Variants in BAZ2B observed in about 807,000 individuals in gnomAD.
The protein encoded by BAZ2B is bromodomain adjacent to zinc finger domain protein 2B.
Under a neutral mutation model 246.0 loss-of-function variants are expected in BAZ2B, and 91 were observed. The observed-to-expected ratio is 0.37, with a 90% CI of 0.31 to 0.44. BAZ2B has a LOEUF of 0.44. BAZ2B is among the 20% of genes least tolerant of loss of function. The pLI is 1.00. For missense variants in BAZ2B, 2,332 were observed against 2,533.7 expected, an observed-to-expected ratio of 0.92 and a Z score of 1.71; for synonymous variants, 855 against 860.0, an observed-to-expected ratio of 0.99 and a Z score of 0.10.
At chr2:159,682,277 G>A in the BAZ2B span, among the ~76,000 whole-genome samples, 2,971 of 150,778 alleles carry the variant, frequency 0.02, 200 homozygotes, top group East Asian at 0.23. Flanking sequence ...CATCTCTGGG[G>A]TCAAACAATC....
chr2:159,557,264 C>T (rs368893329), intron 1 of BAZ2B, among the ~76,000 whole-genome samples: 27 of 150,516 alleles, frequency 1.8e-4, no homozygotes, highest in African/African-American at 4.9e-4. Flanking sequence ...ACCATGTTGC[C>T]CAGGCTGGTC....
In BAZ2B at chr2:159,337,503, A is replaced by G. The variant is rs755106961; in HGVS notation, c.5660+64T>C. 1.9e-6 allele frequency: 3 copies of G among 1,613,376 alleles called. No individual in the cohort carries two copies. In the African/African-American group the frequency reaches 4.0e-5, roughly 22 times the overall value. ...TAACGGATGGTGCAGGAGCAGGGAC[A>G]GTAACTGTGCCCACATTATCCAGTT... On this transcript the variant is annotated intron_variant, in intron 32 of 36. Coordinates refer to ENST00000392783, the MANE Select transcript of BAZ2B (RefSeq NM_013450.4).
chr2:159,659,994 G>A, the BAZ2B span, among the ~76,000 whole-genome samples: 69,491 of 151,962 alleles, frequency 0.46, 16,742 homozygotes, highest in Middle Eastern at 0.64. Flanking sequence ...ATTTTGAAGT[G>A]TACAATTCAG....
intron 1 of BAZ2B, among the ~76,000 whole-genome samples, chr2:159,558,471 G>A (rs1366876081): frequency 1.3e-5 from 2 of 152,030 alleles, no homozygotes; most frequent in African/African-American, 4.8e-5. Context: ...TGTTGGTCAG[G>A]CTGGTCTTGA....
intron 2 of BAZ2B, among the ~76,000 whole-genome samples, chr2:159,522,965 G>A (rs1406753329): frequency 6.6e-6 from 1 of 152,094 alleles, no homozygotes; most frequent in Non-Finnish European, 1.5e-5. Flanking sequence ...GAAATTATTT[G>A]TTAAAAATGC....
chr2:159,364,175 C>T (rs766273590), intron 27 of BAZ2B, among the ~76,000 whole-genome samples: 53 of 152,168 alleles, frequency 3.5e-4, no homozygotes, highest in Non-Finnish European at 7.1e-4. Context: ...AGAGAAGAGC[C>T]TCCAATATTT....
chr2:159,542,830 G>A (rs1053754834), intron 2 of BAZ2B, among the ~76,000 whole-genome samples: 17 of 151,966 alleles, frequency 1.1e-4, no homozygotes, highest in African/African-American at 4.1e-4. Flanking sequence ...CAGAAATTAA[G>A]ACCTTCCCAG....
In BAZ2B at chr2:159,373,129, A is replaced by G. The variant is rs770458202; in HGVS notation, c.4129T>C (p.Phe1377Leu). The change falls in exon 27 of 37, where the codon TTT becomes CTT. Residue 1377 changes from phenylalanine (F) to leucine (L), a missense_variant. By Grantham distance (22) the Phe-to-Leu change is conservative (BLOSUM62 0). Coordinates refer to ENST00000392783, the MANE Select transcript of BAZ2B (RefSeq NM_013450.4). ...CGGCGTCTGTAACGATCTTGGCCAA[A>G]CATCACTGAACGCAATGAGTGAGAC... ...DASHSLRSVM[F>L]GQDRYRRRYW... 1 of 1,614,120 alleles carries G rather than the reference A, an allele frequency of 6.2e-7. No individual in the cohort carries two copies. The highest frequency in any genetic ancestry group is 1.1e-5 in the South Asian group (1 of 91,086).
intron 13 of BAZ2B, among the ~76,000 whole-genome samples, chr2:159,414,959 A>G (rs2067429026): frequency 6.6e-6 from 1 of 152,154 alleles, no homozygotes; most frequent in Non-Finnish European, 1.5e-5. Flanking sequence ...TAGAGACACA[A>G]ATGGAACCAT....
chr2:159,457,505 T>TTAGGCAAACTTGCAGTTATGGTTCC (rs1220103984), intron 3 of BAZ2B, among the ~76,000 whole-genome samples: 1 of 152,218 alleles, frequency 6.6e-6, no homozygotes. Flanking sequence ...TCTTGAGTCT[T>TTAGGCAAACTTGCAGTTATGGTTCC]TAGGCAAACT....
At chr2:159,518,826 T>C (rs989120116) in intron 2 of BAZ2B, among the ~76,000 whole-genome samples, 1 of 152,170 alleles carries the variant, frequency 6.6e-6, no homozygotes, top group African/African-American at 2.4e-5. Context: ...GTTCAGCTCC[T>C]TAGCAATCAA....
chr2:159,445,528 A>G (rs1327312434), intron 6 of BAZ2B, among the ~76,000 whole-genome samples: 1 of 152,194 alleles, frequency 6.6e-6, no homozygotes, highest in African/African-American at 2.4e-5. Flanking sequence ...GAGGTATCAC[A>G]GTCAAGGCTG....
the BAZ2B span, among the ~76,000 whole-genome samples, chr2:159,703,873 A>AT: frequency 2.6e-5 from 4 of 151,960 alleles, no homozygotes; most frequent in East Asian, 3.9e-4. Flanking sequence ...TCAAAAAAAA[A>AT]TTTTTTTTTG....
chr2:159,462,922 GT>G, intron 3 of BAZ2B: 1 of 1,500,022 alleles, frequency 6.7e-7, no homozygotes, highest in Non-Finnish European at 9.3e-7. Context: ...CCATCTACTT[GT>G]TTTGGCTGGG....
At chr2:159,543,935 A>G (rs890911684) in intron 2 of BAZ2B, among the ~76,000 whole-genome samples, 5 of 152,242 alleles carry the variant, frequency 3.3e-5, no homozygotes, top group Non-Finnish European at 5.9e-5. Flanking sequence ...TAAAATCCAT[A>G]TATTGGATCT....
At chr2:159,548,790 C>A (rs2087722594) in intron 2 of BAZ2B, among the ~76,000 whole-genome samples, 1 of 151,894 alleles carries the variant, frequency 6.6e-6, no homozygotes, top group Non-Finnish European at 1.5e-5. Flanking sequence ...CTGAGCAAGA[C>A]CCTGTTTCTA....
chr2:159,557,274 C>A (rs758021255), intron 1 of BAZ2B, among the ~76,000 whole-genome samples: 1 of 143,958 alleles, frequency 6.9e-6, no homozygotes, highest in Non-Finnish European at 1.5e-5. Context: ...CCAGGCTGGT[C>A]TCAAACTCCC....
At chr2:159,511,511 G>A (rs1278380440) in intron 2 of BAZ2B, among the ~76,000 whole-genome samples, 1 of 151,952 alleles carries the variant, frequency 6.6e-6, no homozygotes, top group African/African-American at 2.4e-5. Context: ...CAGCCTCTCT[G>A]GACATTGCAA....
intron 2 of BAZ2B, among the ~76,000 whole-genome samples, chr2:159,512,116 T>C (rs1187890351): frequency 1.3e-5 from 2 of 152,130 alleles, no homozygotes; most frequent in Admixed American, 1.3e-4. Context: ...AAAATGATCA[T>C]TCAGACTCAT....
Sources: gnomAD v4.1 joint callset for allele counts (sites outside exome capture counted in the v4.1 genomes callset) on GRCh38, gnomAD v4.1.1 for gene constraint, MANE v1.5 for transcripts, NCBI Gene and HGNC (gene_info 2026-07-23, HGNC 2026-07-21) for gene names.